MARCHF1: variants seen among roughly 807,000 people sequenced by gnomAD.
The protein encoded by MARCHF1 is membrane associated ring-CH-type finger 1.
A neutral mutation model predicts 54.2 loss-of-function variants in MARCHF1; 40 were observed. The ratio of observed to expected loss-of-function variants is 0.74; its 90% CI spans 0.57 to 0.96. The LOEUF (loss-of-function observed/expected upper bound fraction) is 0.96. Ranked by LOEUF, MARCHF1 falls within the 40% of genes least tolerant of loss-of-function variation. MARCHF1 has a pLI of 0.00. For synonymous variants in MARCHF1, 236 were observed against 236.3 expected (o/e 1.00, Z 0.01); for missense variants, 586 against 656.5 (o/e 0.89, Z 1.17).
intron 3 of MARCHF1, among the ~76,000 whole-genome samples, chr4:163,858,997 G>T (rs1284886186): frequency 3.3e-5 from 5 of 152,156 alleles, no homozygotes; most frequent in African/African-American, 1.2e-4. Flanking sequence ...AATGGAGAGA[G>T]ATGTTCATAG....
chr4:163,714,816 CAT>C (rs1745209909), intron 4 of MARCHF1, among the ~76,000 whole-genome samples: 2 of 152,230 alleles, frequency 1.3e-5, no homozygotes, highest in South Asian at 4.1e-4. Flanking sequence ...ACTACAGGCA[CAT>C]GTCACTTTGC....
intron 1 of MARCHF1, among the ~76,000 whole-genome samples, chr4:164,240,410 C>A (rs1732705565): frequency 1.3e-5 from 2 of 152,128 alleles, no homozygotes; most frequent in African/African-American, 4.8e-5. Context: ...GTTTCCAGGA[C>A]CAATTCCAAT....
intron 4 of MARCHF1, among the ~76,000 whole-genome samples, chr4:163,768,947 G>T (rs2110859240): frequency 6.6e-6 from 1 of 152,136 alleles, no homozygotes; most frequent in Non-Finnish European, 1.5e-5. Context: ...CTTCCTGGTG[G>T]CTACAATAAT....
intron 2 of MARCHF1, among the ~76,000 whole-genome samples, chr4:164,081,214 A>AC (rs1176128258): frequency 3.0e-5 from 4 of 134,262 alleles, no homozygotes; most frequent in African/African-American, 1.1e-4. Context: ...TCTCAAAAAA[A>AC]AAAAAAAAAA....
chr4:163,889,932 T>C (rs566887041), intron 3 of MARCHF1, among the ~76,000 whole-genome samples: 44 of 146,244 alleles, frequency 3.0e-4, no homozygotes, highest in South Asian at 2.2e-4. Context: ...TTTTCTTTTT[T>C]TTTTTTTTTT....
chr4:163,748,689 G>A (rs1351506373), intron 4 of MARCHF1, among the ~76,000 whole-genome samples: 8 of 152,258 alleles, frequency 5.3e-5, no homozygotes, highest in Admixed American at 2.6e-4. Context: ...GCCAGGGATC[G>A]CCTTTCAAGC....
intron 4 of MARCHF1, among the ~76,000 whole-genome samples, chr4:163,788,512 T>A (rs767609609): frequency 6.6e-6 from 1 of 152,164 alleles, no homozygotes; most frequent in East Asian, 1.9e-4. Context: ...AGATTTTTAG[T>A]ATTTCCCTGG....
intron 1 of MARCHF1, among the ~76,000 whole-genome samples, chr4:164,203,448 TA>T (rs1235981958): frequency 6.6e-6 from 1 of 152,170 alleles, no homozygotes; most frequent in Non-Finnish European, 1.5e-5. Flanking sequence ...AGTTCAAGTC[TA>T]AAGGCTGTCT....
chr4:164,031,373 TTCTC>T (rs1429865380), intron 2 of MARCHF1, among the ~76,000 whole-genome samples: 2 of 152,120 alleles, frequency 1.3e-5, no homozygotes, highest in Admixed American at 6.6e-5. Flanking sequence ...TATTTGACTC[TTCTC>T]TCTTTTATTC....
At chr4:164,293,068 T>C (rs917679769) in intron 1 of MARCHF1, among the ~76,000 whole-genome samples, 2 of 152,188 alleles carry the variant, frequency 1.3e-5, no homozygotes, top group Admixed American at 1.3e-4. Context: ...ATTTTTATTG[T>C]TTCTGAGTAT....
intron 4 of MARCHF1, among the ~76,000 whole-genome samples, chr4:163,711,303 A>G (rs1745099222): frequency 6.6e-6 from 1 of 152,168 alleles, no homozygotes; most frequent in Non-Finnish European, 1.5e-5. Context: ...GAGTTTTAAG[A>G]TCTTTATTTT....
At chr4:164,008,147 C>A (rs984735770) in intron 2 of MARCHF1, among the ~76,000 whole-genome samples, 5 of 151,968 alleles carry the variant, frequency 3.3e-5, no homozygotes, top group Non-Finnish European at 5.9e-5. Flanking sequence ...AAAAGATATT[C>A]CATAAAACTG....
intron 1 of MARCHF1, among the ~76,000 whole-genome samples, chr4:164,220,965 T>G (rs2111150989): frequency 6.6e-6 from 1 of 151,974 alleles, no homozygotes; most frequent in Admixed American, 6.6e-5. Context: ...TCATTTTTGT[T>G]TGTTCTGATC....
chr4:164,232,893 T>C (rs1732452810), intron 1 of MARCHF1, among the ~76,000 whole-genome samples: 1 of 152,170 alleles, frequency 6.6e-6, no homozygotes. Flanking sequence ...TGTATTTTTG[T>C]CCATTTTATA....
intron 3 of MARCHF1, among the ~76,000 whole-genome samples, chr4:163,963,070 C>T (rs188260426): frequency 6.6e-6 from 1 of 151,954 alleles, no homozygotes; most frequent in East Asian, 1.9e-4. Context: ...AAATCATATG[C>T]TCTTAAGGAA....
chr4:164,080,225 A>T (rs1190303033), intron 2 of MARCHF1, among the ~76,000 whole-genome samples: 3 of 152,238 alleles, frequency 2.0e-5, no homozygotes, highest in Non-Finnish European at 2.9e-5. Context: ...CTGAGCTGAC[A>T]CTAAGCCTTA....
intron 3 of MARCHF1, among the ~76,000 whole-genome samples, chr4:163,962,051 T>G (rs982742892): frequency 1.3e-5 from 2 of 151,982 alleles, no homozygotes; most frequent in Non-Finnish European, 2.9e-5. Flanking sequence ...TTACTCTAAC[T>G]TGCAAAAATA....
intron 4 of MARCHF1, among the ~76,000 whole-genome samples, chr4:163,820,620 T>G (rs1360355207): frequency 1.3e-5 from 2 of 152,038 alleles, no homozygotes; most frequent in Non-Finnish European, 2.9e-5. Flanking sequence ...TATCCAAACT[T>G]AATTCCAGAC....
intron 8 of MARCHF1, among the ~76,000 whole-genome samples, chr4:163,546,226 C>G (rs184866860): frequency 6.6e-6 from 1 of 152,274 alleles, no homozygotes; most frequent in Admixed American, 6.5e-5. Context: ...TCCACCCCCA[C>G]CTTGTCCTCC....
Sources: allele counts gnomAD v4.1 joint callset (sites outside exome capture counted in the v4.1 genomes callset), GRCh38; gene constraint gnomAD v4.1.1; transcripts MANE v1.5; gene names NCBI Gene and HGNC (gene_info 2026-07-23, HGNC 2026-07-21).